DOK6: variants seen among roughly 807,000 people sequenced by gnomAD.
The protein encoded by DOK6 is docking protein 6, also known as downstream of tyrosine kinase 6.
Under a neutral mutation model 44.0 loss-of-function variants are expected in DOK6, and 22 were observed. The ratio of observed to expected loss-of-function variants is 0.50; its 90% CI spans 0.36 to 0.71. DOK6 has a LOEUF of 0.71. DOK6 is among the 30% of genes least tolerant of loss of function. The pLI is 0.00. For synonymous variants in DOK6, 166 were observed against 145.5 expected (o/e 1.14, Z -1.01); for missense variants, 340 against 416.4 (o/e 0.82, Z 1.60).
intron 1 of DOK6, among the ~76,000 whole-genome samples, chr18:69,405,436 G>A (rs994872553): frequency 6.6e-5 from 10 of 152,012 alleles, no homozygotes; most frequent in African/African-American, 1.9e-4. Flanking sequence ...GAAAGTCAGC[G>A]GGGTCTGGTG....
chr18:69,464,265 T>C (rs981971307), intron 1 of DOK6, among the ~76,000 whole-genome samples: 2 of 152,368 alleles, frequency 1.3e-5, no homozygotes, highest in Admixed American at 6.5e-5. Flanking sequence ...GGGATTGACA[T>C]CCTGATGTGA....
At chr18:69,708,908 T>C (rs560438205) in intron 5 of DOK6, among the ~76,000 whole-genome samples, 11 of 151,654 alleles carry the variant, frequency 7.3e-5, no homozygotes, top group African/African-American at 2.7e-4. Flanking sequence ...CAGGGCAATA[T>C]AGGGAATCAA....
At chr18:69,439,911 A>G (rs1979089957) in intron 1 of DOK6, among the ~76,000 whole-genome samples, 1 of 152,192 alleles carries the variant, frequency 6.6e-6, no homozygotes, top group Non-Finnish European at 1.5e-5. Context: ...TGTTTGGCAC[A>G]AGAGCTCTTG....
intron 4 of DOK6, among the ~76,000 whole-genome samples, chr18:69,683,861 A>G (rs1301476635): frequency 6.6e-6 from 1 of 152,212 alleles, no homozygotes; most frequent in Non-Finnish European, 1.5e-5. Context: ...TAATCTGTTT[A>G]ACTTTGTATA....
chr18:69,424,478 A>G (rs1031052825), intron 1 of DOK6, among the ~76,000 whole-genome samples: 2 of 152,212 alleles, frequency 1.3e-5, no homozygotes, highest in African/African-American at 4.8e-5. Context: ...GTGTACAAGA[A>G]TGCCATCTAT....
chr18:69,615,851 G>T (rs1466254642), intron 3 of DOK6, among the ~76,000 whole-genome samples: 4 of 152,144 alleles, frequency 2.6e-5, no homozygotes, highest in African/African-American at 9.7e-5. Flanking sequence ...GATGTGTTCA[G>T]TTGAAAGTAG....
chr18:69,500,155 T>C (rs1748046468), intron 1 of DOK6, among the ~76,000 whole-genome samples: 2 of 152,158 alleles, frequency 1.3e-5, no homozygotes, highest in African/African-American at 4.8e-5. Context: ...CCTCCAATGG[T>C]TTCCCATAAT....
At chr18:69,732,995 A>G (rs1028616571) in intron 5 of DOK6, among the ~76,000 whole-genome samples, 4 of 152,194 alleles carry the variant, frequency 2.6e-5, no homozygotes, top group African/African-American at 9.6e-5. Context: ...ACTTACAATC[A>G]TGGCAGAAGG....
intron 3 of DOK6, chr18:69,660,141 A>T (rs1288456681): frequency 6.6e-6 from 1 of 151,976 alleles, no homozygotes; most frequent in African/African-American, 2.4e-5. Context: ...ACATAAGCAA[A>T]CAGGGCCCCG....
intron 7 of DOK6, among the ~76,000 whole-genome samples, chr18:69,839,402 CT>C: frequency 6.6e-6 from 1 of 151,342 alleles, no homozygotes; most frequent in South Asian, 2.1e-4. Flanking sequence ...AGCCCCTCCC[CT>C]AACTCCTTCC....
chr18:69,692,862 A>C (rs1040733580), intron 4 of DOK6, among the ~76,000 whole-genome samples: 1 of 152,378 alleles, frequency 6.6e-6, no homozygotes, highest in East Asian at 1.9e-4. Context: ...CATTTATGTA[A>C]GTATTAATTT....
intron 2 of DOK6, among the ~76,000 whole-genome samples, chr18:69,587,770 A>ACACACAC (rs1983537798): frequency 3.4e-4 from 51 of 149,174 alleles, no homozygotes; most frequent in African/African-American, 1.2e-3. Context: ...TGTAAATTTA[A>ACACACAC]ACACACACAC....
chr18:69,546,979 G>A (rs1256307704), intron 1 of DOK6, among the ~76,000 whole-genome samples: 1 of 151,598 alleles, frequency 6.6e-6, no homozygotes, highest in African/African-American at 2.4e-5. Context: ...CTGCTTCTGG[G>A]GAGGTGTCAG....
intron 1 of DOK6, among the ~76,000 whole-genome samples, chr18:69,530,403 G>A (rs1402687517): frequency 1.3e-5 from 2 of 152,132 alleles, no homozygotes; most frequent in Non-Finnish European, 2.9e-5. Flanking sequence ...ACATCTATCT[G>A]AATCAAGTAG....
chr18:69,467,054 C>T (rs930660115), intron 1 of DOK6, among the ~76,000 whole-genome samples: 4 of 152,076 alleles, frequency 2.6e-5, no homozygotes, highest in Admixed American at 6.6e-5. Flanking sequence ...ATCAGAATGA[C>T]GCATTTTAAC....
chr18:69,539,855 A>C (rs1320522746), intron 1 of DOK6, among the ~76,000 whole-genome samples: 2 of 152,144 alleles, frequency 1.3e-5, no homozygotes, highest in Non-Finnish European at 2.9e-5. Flanking sequence ...AATATGTATT[A>C]GTTTGTTCTC....
intron 1 of DOK6, among the ~76,000 whole-genome samples, chr18:69,494,403 G>C (rs1480592604): frequency 6.6e-6 from 1 of 152,104 alleles, no homozygotes; most frequent in African/African-American, 2.4e-5. Context: ...TTGAACCCAG[G>C]AGACAGAGGT....
chr18:69,407,740 T>A (rs905539397), intron 1 of DOK6, among the ~76,000 whole-genome samples: 5 of 152,252 alleles, frequency 3.3e-5, no homozygotes, highest in Non-Finnish European at 7.3e-5. Context: ...GTTTACATGG[T>A]ACTTGCAATG....
intron 3 of DOK6, among the ~76,000 whole-genome samples, chr18:69,617,113 A>G (rs1198716673): frequency 6.6e-6 from 1 of 152,122 alleles, no homozygotes; most frequent in East Asian, 1.9e-4. Flanking sequence ...TTCACTACAA[A>G]CAGATTAGGA....
Sources: gnomAD v4.1 joint callset for allele counts (sites outside exome capture counted in the v4.1 genomes callset) on GRCh38, gnomAD v4.1.1 for gene constraint, MANE v1.5 for transcripts, NCBI Gene and HGNC (gene_info 2026-07-23, HGNC 2026-07-21) for gene names.